COL19A1: variants seen among roughly 807,000 people sequenced by gnomAD.
The protein encoded by COL19A1 is collagen alpha-1(XIX) chain.
COL19A1 carries 159 observed loss-of-function variants against 190.2 expected under a neutral mutation model. The observed-to-expected ratio is 0.84, with a 90% CI of 0.73 to 0.95. The LOEUF is 0.95. Ranked by LOEUF, COL19A1 falls within the 40% of genes least tolerant of loss-of-function variation. COL19A1 has a pLI of 0.00. For missense variants in COL19A1, 1,418 were observed against 1,431.9 expected (o/e 0.99, Z 0.16); for synonymous variants, 509 against 458.9 (o/e 1.11, Z -1.39).
intron 11 of COL19A1, among the ~76,000 whole-genome samples, chr6:69,973,247 T>C (rs1775531421): frequency 6.6e-6 from 1 of 152,198 alleles, no homozygotes; most frequent in Non-Finnish European, 1.5e-5. Context: ...AGGTTTCTAC[T>C]CTTAGCTTTT....
intron 27 of COL19A1, among the ~76,000 whole-genome samples, chr6:70,147,903 C>T (rs948967502): frequency 6.6e-6 from 1 of 152,100 alleles, no homozygotes; most frequent in Admixed American, 6.5e-5. Flanking sequence ...TAGAGTGGTC[C>T]ACAGAATCAA....
intron 11 of COL19A1, among the ~76,000 whole-genome samples, chr6:69,981,349 A>T (rs1012464935): frequency 2.6e-5 from 4 of 152,168 alleles, no homozygotes; most frequent in African/African-American, 7.2e-5. Context: ...TCTGCTGGGT[A>T]ATCTAAATTG....
chr6:69,982,519 G>A (rs1776092653), intron 11 of COL19A1, among the ~76,000 whole-genome samples: 1 of 151,896 alleles, frequency 6.6e-6, no homozygotes, highest in South Asian at 2.1e-4. Context: ...GATTACAGGG[G>A]TGAGCCACTG....
chr6:69,921,795 T>C (rs1771975428), intron 4 of COL19A1, among the ~76,000 whole-genome samples: 1 of 150,924 alleles, frequency 6.6e-6, no homozygotes. Context: ...TGTAGATTCG[T>C]ATATGTATAT....
At chr6:69,955,404 T>C (rs16868383) in intron 9 of COL19A1, among the ~76,000 whole-genome samples, 5,406 of 152,150 alleles carry the variant, frequency 0.036, 346 homozygotes, top group African/African-American at 0.12. Flanking sequence ...AACATCCCTT[T>C]GACAGGAAAA....
intron 49 of COL19A1, among the ~76,000 whole-genome samples, chr6:70,200,662 G>C (rs547174647): frequency 1.3e-5 from 2 of 152,280 alleles, no homozygotes; most frequent in South Asian, 2.1e-4. Flanking sequence ...GTGTTTTTCT[G>C]TCACCAGTTT....
chr6:70,188,431 C>A (rs1202022707), intron 47 of COL19A1, among the ~76,000 whole-genome samples, 186 bp downstream of exon 47: 2 of 152,198 alleles, frequency 1.3e-5, no homozygotes, highest in East Asian at 3.8e-4. Flanking sequence ...CTATACATTA[C>A]CTCATTTGAT....
Position 69,930,338 on chromosome 6 carries a change from C to G in COL19A1, c.666+638C>G, listed in dbSNP as rs868790068. Among the ~76,000 whole-genome samples, 2 of 152,198 alleles carry G rather than the reference C, an allele frequency of 1.3e-5. 1 individual carries two copies. The highest frequency in any genetic ancestry group is 6.8e-3 in the Middle Eastern group (2 of 294). On this transcript the variant is annotated intron_variant, in intron 6 of 50. Coordinates refer to ENST00000620364, the MANE Select transcript of COL19A1 (RefSeq NM_001858.6). Reference sequence around the variant, plus strand: ...TATTGATTTCCCTAGAGAACAAGGTCTGTAATCTTAAAAAAGTTAGATATA... The same window carrying G: ...TATTGATTTCCCTAGAGAACAAGGTGTGTAATCTTAAAAAAGTTAGATATA...
intron 16 of COL19A1, among the ~76,000 whole-genome samples, chr6:70,118,193 A>G (rs1017443544): frequency 6.6e-6 from 1 of 152,192 alleles, no homozygotes; most frequent in African/African-American, 2.4e-5. Context: ...CTCCAGCCAT[A>G]TTTCATACCA....
At chr6:70,023,133 ATT>A (rs11383774) in intron 11 of COL19A1, among the ~76,000 whole-genome samples, 48 of 110,058 alleles carry the variant, frequency 4.4e-4, no homozygotes, top group African/African-American at 8.3e-4. Flanking sequence ...TTATGCAGCT[ATT>A]TTTTTTTTTT....
intron 14 of COL19A1, among the ~76,000 whole-genome samples, chr6:70,038,957 T>A (rs1209429477): frequency 6.6e-6 from 1 of 151,778 alleles, no homozygotes; most frequent in Non-Finnish European, 1.5e-5. Context: ...CTTGGGAGGC[T>A]GAGTCAGGGG....
intron 14 of COL19A1, among the ~76,000 whole-genome samples, chr6:70,063,137 C>G (rs1016348568): frequency 1.6e-4 from 25 of 152,158 alleles, no homozygotes; most frequent in Non-Finnish European, 2.4e-4. Context: ...AGACCTAATA[C>G]ACATCTACAG....
intron 49 of COL19A1, among the ~76,000 whole-genome samples, chr6:70,201,043 G>A (rs186709772): frequency 3.5e-4 from 54 of 152,200 alleles, no homozygotes; most frequent in Middle Eastern, 6.8e-3. Flanking sequence ...ATTATCTTTC[G>A]CTGGTTGGGT....
intron 10 of COL19A1, among the ~76,000 whole-genome samples, 172 bp from the exon 11 acceptor site, chr6:69,962,654 T>A (rs1229014176): frequency 2.6e-5 from 4 of 152,202 alleles, no homozygotes; most frequent in Non-Finnish European, 4.4e-5. Flanking sequence ...TCCTTTAGTA[T>A]TTAGAAATAT....
chr6:69,899,894 A>G (rs1770051033), intron 3 of COL19A1, among the ~76,000 whole-genome samples: 1 of 152,176 alleles, frequency 6.6e-6, no homozygotes, highest in South Asian at 2.1e-4. Context: ...TGGCTGTACT[A>G]TTTTTAATCT....
At chr6:69,985,403 C>T (rs1776259357) in intron 11 of COL19A1, among the ~76,000 whole-genome samples, 1 of 152,050 alleles carries the variant, frequency 6.6e-6, no homozygotes, top group South Asian at 2.1e-4. Context: ...GGTCCAGTGG[C>T]GAGTTCAGCA....
chr6:69,867,833 CAGAATGCTGATAATA>C (rs1376319473), intron 1 of COL19A1, among the ~76,000 whole-genome samples: 8 of 152,032 alleles, frequency 5.3e-5, no homozygotes, highest in Non-Finnish European at 1.0e-4. Flanking sequence ...GAGGAGGGCC[CAGAATGCTGATAATA>C]AGTAGTTTTA....
chr6:70,051,038 A>G (rs1780173696), intron 14 of COL19A1, among the ~76,000 whole-genome samples: 1 of 152,142 alleles, frequency 6.6e-6, no homozygotes. Context: ...TAAGGGTCAA[A>G]CAGGATGTTG....
At chr6:70,105,599 T>C (rs1049016949) in intron 16 of COL19A1, among the ~76,000 whole-genome samples, 4 of 152,208 alleles carry the variant, frequency 2.6e-5, no homozygotes, top group African/African-American at 9.6e-5. Context: ...CAAAACATTA[T>C]TGTTTTTCAT....
Sources: gnomAD v4.1 joint callset for allele counts (sites outside exome capture counted in the v4.1 genomes callset) on GRCh38, gnomAD v4.1.1 for gene constraint, MANE v1.5 for transcripts, NCBI Gene and HGNC (gene_info 2026-07-23, HGNC 2026-07-21) for gene names.